The following ABCC4 variants were observed in gnomAD, a reference collection of about 807,000 sequenced individuals.
ABCC4 encodes ATP-binding cassette sub-family C member 4.
In ABCC4, 102 loss-of-function variants were observed where a neutral mutation model predicts 168.5. The ratio of observed to expected loss-of-function variants is 0.61; its 90% CI spans 0.52 to 0.71. The LOEUF (loss-of-function observed/expected upper bound fraction) is 0.71. Among genes scored for constraint, ABCC4 ranks in the 30% least tolerant of loss-of-function variants. ABCC4 has a pLI of 0.00. For missense variants in ABCC4, 1,402 were observed against 1,605.8 expected, an observed-to-expected ratio of 0.87 and a Z score of 2.17; for synonymous variants, 617 against 590.7, an observed-to-expected ratio of 1.04 and a Z score of -0.65.
intron 13 of ABCC4, among the ~76,000 whole-genome samples, chr13:95,172,310 G>A (rs77119614): frequency 0.017 from 2,544 of 152,290 alleles, 27 homozygotes; most frequent in Non-Finnish European, 0.023. Context: ...GGCCAGCCAC[G>A]GGGGCTCACG....
At chr13:95,135,916 A>G (rs542116306) in intron 19 of ABCC4, among the ~76,000 whole-genome samples, 6 of 152,308 alleles carry the variant, frequency 3.9e-5, no homozygotes, top group African/African-American at 1.4e-4. Context: ...AAACTATAGA[A>G]ATATTATTTT....
At chr13:95,239,184 A>G (rs1283198019) in intron 3 of ABCC4, among the ~76,000 whole-genome samples, 1 of 151,842 alleles carries the variant, frequency 6.6e-6, no homozygotes, top group African/African-American at 2.4e-5. Flanking sequence ...AAAAATTTAA[A>G]TTATTTTTAG....
intron 1 of ABCC4, among the ~76,000 whole-genome samples, chr13:95,253,437 C>G (rs576217267): frequency 2.6e-5 from 4 of 152,060 alleles, no homozygotes; most frequent in Non-Finnish European, 5.9e-5. Context: ...CATGAATGAG[C>G]ACATCCTCCA....
intron 11 of ABCC4, among the ~76,000 whole-genome samples, chr13:95,186,119 T>C (rs996808490): frequency 6.6e-6 from 1 of 151,924 alleles, no homozygotes; most frequent in Non-Finnish European, 1.5e-5. Flanking sequence ...CTGTAATCTC[T>C]GCCTAGCCGG....
intron 19 of ABCC4, among the ~76,000 whole-genome samples, chr13:95,122,622 G>C (rs781151255): frequency 6.6e-6 from 1 of 152,106 alleles, no homozygotes; most frequent in African/African-American, 2.4e-5. Context: ...GTTCCCATCA[G>C]GGGGCCTTCC....
chr13:95,226,397 AAAGT>A (rs1212304729), intron 4 of ABCC4, among the ~76,000 whole-genome samples: 1 of 152,208 alleles, frequency 6.6e-6, no homozygotes. Context: ...TCTGACTACT[AAAGT>A]AAAACAAAGA....
chr13:95,027,372 AT>A (rs1310472940), intron 30 of ABCC4, among the ~76,000 whole-genome samples: 1 of 152,204 alleles, frequency 6.6e-6, no homozygotes, highest in Non-Finnish European at 1.5e-5. Context: ...ATTTCAAAAA[AT>A]ATTACCATTA....
chr13:95,053,431 T>C (rs1167668202), intron 26 of ABCC4, among the ~76,000 whole-genome samples: 1 of 152,058 alleles, frequency 6.6e-6, no homozygotes, highest in East Asian at 1.9e-4. Flanking sequence ...AAGAAGAAAA[T>C]GAAAAATACA....
chr13:95,147,331 T>G (rs181310168), intron 19 of ABCC4, among the ~76,000 whole-genome samples: 1 of 152,370 alleles, frequency 6.6e-6, no homozygotes, highest in African/African-American at 2.4e-5. Flanking sequence ...GGCTTATAAT[T>G]CCTTTAAATG....
intron 25 of ABCC4, among the ~76,000 whole-genome samples, chr13:95,066,763 G>A (rs1454503193): frequency 6.6e-6 from 1 of 152,208 alleles, no homozygotes; most frequent in Non-Finnish European, 1.5e-5. Context: ...CCATTCTGCC[G>A]ATGGCCTCCC....
intron 25 of ABCC4, among the ~76,000 whole-genome samples, chr13:95,064,708 G>C (rs942323543): frequency 1.1e-4 from 17 of 152,034 alleles, no homozygotes; most frequent in Admixed American, 2.6e-4. Flanking sequence ...CCCCCTCAAA[G>C]GTAGGGAACA....
chr13:95,189,118 A>C, intron 9 of ABCC4, among the ~76,000 whole-genome samples: 1 of 142,036 alleles, frequency 7.0e-6, no homozygotes, highest in African/African-American at 2.6e-5. Flanking sequence ...CATTTAAAAC[A>C]ATATTCTTTT....
At chr13:95,096,659 G>A (rs2127295) in intron 20 of ABCC4, among the ~76,000 whole-genome samples, 68,904 of 151,704 alleles carry the variant, frequency 0.45, 17,319 homozygotes, top group South Asian at 0.69. Flanking sequence ...TATGTACAGT[G>A]CCAAAAAAAG....
intron 1 of ABCC4, among the ~76,000 whole-genome samples, chr13:95,278,649 T>C (rs1382326206): frequency 3.3e-5 from 5 of 151,492 alleles, no homozygotes; most frequent in Admixed American, 2.6e-4. Context: ...AAACAAAAAT[T>C]AGCCAGGCAT....
intron 19 of ABCC4, among the ~76,000 whole-genome samples, chr13:95,147,645 T>C (rs941347878): frequency 1.9e-4 from 29 of 152,340 alleles, no homozygotes; most frequent in African/African-American, 5.1e-4. Context: ...ATAGAATTTA[T>C]ACATTTGGAC....
At chr13:95,102,770 G>A (rs1186258995) in intron 20 of ABCC4, among the ~76,000 whole-genome samples, 7 of 150,896 alleles carry the variant, frequency 4.6e-5, no homozygotes, top group African/African-American at 9.7e-5. Context: ...ACAAGGGCCC[G>A]CCACCACGCC....
chr13:95,064,081 A>G (rs7997839), intron 25 of ABCC4, among the ~76,000 whole-genome samples: 17,890 of 151,966 alleles, frequency 0.12, 1,174 homozygotes, highest in Admixed American at 0.18. Context: ...GCATTTCCAC[A>G]AGGAATTTTA....
At chr13:95,266,825 C>T in intron 1 of ABCC4, among the ~76,000 whole-genome samples, 1 of 118,514 alleles carries the variant, frequency 8.4e-6, no homozygotes, top group African/African-American at 4.9e-5. Context: ...CTACTCAAAT[C>T]TCTTTTTTTT....
chr13:95,157,501 G>GGAAA (rs922984974), intron 19 of ABCC4, among the ~76,000 whole-genome samples: 3 of 128,352 alleles, frequency 2.3e-5, no homozygotes, highest in African/African-American at 7.7e-5. Flanking sequence ...GGAAGAAAGA[G>GGAAA]GAAGGAAGGA....
Sources: allele counts gnomAD v4.1 joint callset (sites outside exome capture counted in the v4.1 genomes callset), GRCh38; gene constraint gnomAD v4.1.1; transcripts MANE v1.5; gene names NCBI Gene and HGNC (gene_info 2026-07-23, HGNC 2026-07-21).